Variants in EPC2 observed in about 807,000 individuals in gnomAD.
EPC2 encodes enhancer of polycomb homolog 2.
EPC2 carries 14 observed loss-of-function variants against 92.1 expected under a neutral mutation model. The ratio of observed to expected loss-of-function variants is 0.15; its 90% CI spans 0.10 to 0.24. The LOEUF (loss-of-function observed/expected upper bound fraction) is 0.24, where lower values mean the gene tolerates loss of function less well. Ranked by LOEUF, EPC2 falls within the 10% of genes least tolerant of loss-of-function variation. The pLI is 1.00. For missense variants in EPC2, 755 were observed against 971.5 expected (o/e 0.78, Z 2.96); for synonymous variants, 340 against 334.7 (o/e 1.02, Z -0.17).
intron 2 of EPC2, among the ~76,000 whole-genome samples, chr2:148,709,363 G>T (rs1370599307): frequency 6.6e-6 from 1 of 152,108 alleles, no homozygotes; most frequent in African/African-American, 2.4e-5. Flanking sequence ...ACAAATGGAA[G>T]AACATCCCAT....
intron 1 of EPC2, among the ~76,000 whole-genome samples, chr2:148,667,513 GT>G (rs201406117): frequency 4.6e-5 from 7 of 151,300 alleles, no homozygotes; most frequent in Non-Finnish European, 8.9e-5. Flanking sequence ...TATTCTAGTA[GT>G]TTTTTTTTGT....
At chr2:148,676,633 G>T (rs1681268453) in intron 1 of EPC2, among the ~76,000 whole-genome samples, 1 of 151,442 alleles carries the variant, frequency 6.6e-6, no homozygotes, top group Non-Finnish European at 1.5e-5. Context: ...TTTATAACCT[G>T]CTTGTTTACT....
In EPC2 at chr2:148,691,118, T is replaced by C. The variant is rs530669243; in HGVS notation, c.313+745T>C. Among the ~76,000 whole-genome samples the C allele has an allele frequency of 6.6e-5, 10 of 152,336 alleles. No individual in the cohort carries two copies. In the East Asian group the frequency reaches 1.4e-3, roughly 21 times the overall value. On this transcript the variant is annotated intron_variant, in intron 2 of 13. Coordinates refer to ENST00000258484, the MANE Select transcript of EPC2 (RefSeq NM_015630.4). ...AATACTCTTACTTTTCTCCCACTGT[T>C]AGTATTTAAATGATCACCACCTCTA...
chr2:148,785,119 A>G (rs149290542), intron 13 of EPC2, 118 bp downstream of exon 13: 79 of 816,832 alleles, frequency 9.7e-5, no homozygotes, highest in South Asian at 7.1e-4. Context: ...TTGATTTTCA[A>G]TAGATACTGA....
At position 148,728,788 on chromosome 2, in the gene EPC2, T is replaced by A. The variant is rs568593131; in HGVS notation, c.314-14834T>A. On this transcript the variant is annotated intron_variant, in intron 2 of 13. Transcript: ENST00000258484. ...TAGCTCACGCCTGTAATCCCAGCAT[T>A]TTGGGAGGCCAAGGCGGGCAGATCA... 7.2e-5 allele frequency among the ~76,000 whole-genome samples: 11 copies of A among 151,750 alleles called. No homozygotes were observed. In the South Asian group the frequency reaches 2.3e-3, roughly 32 times the overall value.
chr2:148,675,147 T>G (rs1665424670), intron 1 of EPC2, among the ~76,000 whole-genome samples: 1 of 152,118 alleles, frequency 6.6e-6, no homozygotes, highest in African/African-American at 2.4e-5. Flanking sequence ...CACTTAAAGG[T>G]TTTTTGGGAC....
intron 2 of EPC2, among the ~76,000 whole-genome samples, chr2:148,725,879 T>TA (rs1682484923): frequency 6.6e-6 from 1 of 152,174 alleles, no homozygotes; most frequent in Non-Finnish European, 1.5e-5. Context: ...GTATATAGTT[T>TA]AACTATGTCA....
intron 1 of EPC2, among the ~76,000 whole-genome samples, chr2:148,656,474 G>T (rs1230505212): frequency 6.6e-6 from 1 of 152,094 alleles, no homozygotes; most frequent in Non-Finnish European, 1.5e-5. Flanking sequence ...AGTCAGAAGA[G>T]CAACAATAAT....
rs148053133 is a variant in EPC2, at chr2:148,665,683, T to A, written c.153+20513T>A. 7.1e-3 allele frequency among the ~76,000 whole-genome samples: 1,080 copies of A among 152,334 alleles called. 6 individuals carry two copies. Among genetic ancestry groups the A allele is most frequent in the African/African-American group, 0.024 (1,015 of 41,584 alleles). On this transcript the variant is annotated intron_variant, in intron 1 of 13. Coordinates refer to ENST00000258484, the MANE Select transcript of EPC2 (RefSeq NM_015630.4). ...TTCTGCACAAGATTGTTTTCACTTT[T>A]ATATTTCTGTTTAGGATATCAGTTA...
intron 2 of EPC2, among the ~76,000 whole-genome samples, chr2:148,728,754 C>T (rs189257315): frequency 0.014 from 2,115 of 150,128 alleles, 50 homozygotes; most frequent in African/African-American, 0.049. Flanking sequence ...AAAAAAAGGC[C>T]GGGCACGGTA....
chr2:148,784,828 C>T lies in EPC2; in HGVS notation c.2178C>T (p.Cys726=). 1 of 1,613,960 alleles carries T rather than the reference C, an allele frequency of 6.2e-7. No individual in the cohort carries two copies. Residue 726 remains cysteine, a synonymous_variant, in exon 13 of 14, where the codon TGC becomes TGT. Transcript: ENST00000258484. ...SPQTLPMNNS[C]LTNAVHLNNV... ...AGACACTTCCCATGAACAATTCCTGCCTGACAAATGCAGTGCACCTCAATA... is the reference window on the plus strand; with the variant it reads ...AGACACTTCCCATGAACAATTCCTGTCTGACAAATGCAGTGCACCTCAATA...
chr2:148,714,005 G>T (rs1682209216), intron 2 of EPC2, among the ~76,000 whole-genome samples: 1 of 151,970 alleles, frequency 6.6e-6, no homozygotes, highest in African/African-American at 2.4e-5. Context: ...CCATCACCTA[G>T]GTATTAAGCC....
At chr2:148,706,872 C>T (rs1194201362) in intron 2 of EPC2, among the ~76,000 whole-genome samples, 4 of 152,108 alleles carry the variant, frequency 2.6e-5, no homozygotes, top group Non-Finnish European at 2.9e-5. Context: ...AAGGAACAAC[C>T]GGTATCAGCC....
rs879739457 is a variant in EPC2, at chr2:148,739,830, C to CT, written c.314-3790dup. 7.5e-4 allele frequency among the ~76,000 whole-genome samples: 72 copies of CT among 96,632 alleles called. 1 individual carries two copies. Among genetic ancestry groups the CT allele is most frequent in the Admixed American group, 3.0e-3 (19 of 6,354 alleles). 63.4% of individuals were successfully genotyped at this position (96,632 alleles called of 152,430 possible). A position where few individuals can be genotyped will look rare whatever the true frequency, so the allele number is the denominator to read the frequency against. On this transcript the variant is annotated intron_variant, in intron 2 of 13. Transcript: ENST00000258484. ...TCTTTCTTCCTTTTCTTTTCTTCTT[C>CT]TTCTTTTTTTTTTTTTTTTTTTTTT...
At chr2:148,720,385 G>T (rs1458068336) in intron 2 of EPC2, among the ~76,000 whole-genome samples, 1 of 152,148 alleles carries the variant, frequency 6.6e-6, no homozygotes, top group East Asian at 1.9e-4. Context: ...CCAAGCCAGT[G>T]GGTCTTATCT....
chr2:148,696,795 C>A (rs1414863136), intron 2 of EPC2, among the ~76,000 whole-genome samples: 1 of 152,174 alleles, frequency 6.6e-6, no homozygotes, highest in East Asian at 1.9e-4. Context: ...CCCCTGAGAG[C>A]ACCTTACAGC....
At chr2:148,645,585 C>G (rs1488869694) in intron 1 of EPC2, 1 of 172,998 alleles carries the variant, frequency 5.8e-6, no homozygotes, top group African/African-American at 2.4e-5. Flanking sequence ...TTAACTTTGG[C>G]TTTGTATTGA....
chr2:148,672,730 A>C (rs1681180438), intron 1 of EPC2, among the ~76,000 whole-genome samples: 1 of 152,174 alleles, frequency 6.6e-6, no homozygotes, highest in Admixed American at 6.5e-5. Context: ...AATAATTTGC[A>C]TACCACTATT....
chr2:148,706,203 A>G (rs1281323451), intron 2 of EPC2, among the ~76,000 whole-genome samples: 1 of 152,210 alleles, frequency 6.6e-6, no homozygotes, highest in Non-Finnish European at 1.5e-5. Context: ...TTCGTGATGC[A>G]TTCATAAGCT....
Sources: allele counts gnomAD v4.1 joint callset (sites outside exome capture counted in the v4.1 genomes callset), GRCh38; gene constraint gnomAD v4.1.1; transcripts MANE v1.5; gene names NCBI Gene and HGNC (gene_info 2026-07-23, HGNC 2026-07-21).